The following MCM9 variants were observed in gnomAD, a reference collection of about 807,000 sequenced individuals.
MCM9 encodes the protein DNA helicase MCM9.
Under a neutral mutation model 72.8 loss-of-function variants are expected in MCM9, and 55 were observed. That is an observed-to-expected ratio of 0.76 (90% CI 0.61 to 0.95). The LOEUF (loss-of-function observed/expected upper bound fraction) is 0.95, where lower values mean the gene tolerates loss of function less well. Among genes scored for constraint, MCM9 ranks in the 40% least tolerant of loss-of-function variants. The probability of loss-of-function intolerance (pLI) is 0.00; values close to 1 mark genes in which losing one functional copy is unlikely to be tolerated. For missense variants in MCM9, 1,279 were observed against 1,377.0 expected (o/e 0.93, Z 1.13); for synonymous variants, 480 against 503.4 (o/e 0.95, Z 0.62).
At position 118,814,699 on chromosome 6, in the gene MCM9, G is replaced by T; in HGVS notation, c.*125C>A. The stretch of plus-strand genomic sequence containing the variant: ...TGAAATTAGAAAGCCTTAAGGGGGA[G>T]CCAGTATTCAGAGTGATCCTCAATA... On this transcript the variant is annotated 3_prime_UTR_variant, in exon 14 of 14. Coordinates refer to ENST00000619706, the MANE Select transcript of MCM9 (RefSeq NM_017696.3). 2.2e-6 allele frequency: 2 copies of T among 904,552 alleles called. No individual in the cohort carries two copies. The highest frequency in any genetic ancestry group is 3.2e-6 in the Non-Finnish European group (2 of 627,808). 56.0% of individuals were successfully genotyped at this position (904,552 alleles called of 1,614,324 possible).
intron 8 of MCM9, among the ~76,000 whole-genome samples, chr6:118,868,583 A>AT (rs1777373814): frequency 1.3e-5 from 2 of 152,102 alleles, no homozygotes; most frequent in African/African-American, 2.4e-5. Flanking sequence ...AGAAAAAAAA[A>AT]CCCCATCAAA....
chr6:118,903,636 T>TAC (rs1257047858), intron 8 of MCM9, among the ~76,000 whole-genome samples: 3 of 152,242 alleles, frequency 2.0e-5, no homozygotes, highest in African/African-American at 7.2e-5. Context: ...TCACTGAGAA[T>TAC]ACACTCGATG....
intron 8 of MCM9, among the ~76,000 whole-genome samples, chr6:118,874,551 A>G (rs1490076362): frequency 2.0e-5 from 3 of 152,210 alleles, no homozygotes; most frequent in Non-Finnish European, 4.4e-5. Flanking sequence ...CTTTCTCATC[A>G]CTGCTTTTCA....
At chr6:118,884,503 G>C (rs541395287) in intron 8 of MCM9, among the ~76,000 whole-genome samples, 56 of 150,692 alleles carry the variant, frequency 3.7e-4, no homozygotes, top group African/African-American at 1.1e-3. Flanking sequence ...AGTAAAAAAG[G>C]AATTTAAAAA....
intron 8 of MCM9, among the ~76,000 whole-genome samples, chr6:118,875,226 C>CA (rs1419231459): frequency 6.6e-6 from 1 of 152,174 alleles, no homozygotes; most frequent in African/African-American, 2.4e-5. Context: ...CTGATGTTAT[C>CA]AAAGAAGAAC....
At chr6:118,921,925 G>C in intron 5 of MCM9, 80 bp downstream of exon 5, 1 of 1,044,720 alleles carries the variant, frequency 9.6e-7, no homozygotes, top group Non-Finnish European at 1.4e-6. Flanking sequence ...CAGTGATCTT[G>C]GGAAAATAAA....
intron 8 of MCM9, among the ~76,000 whole-genome samples, chr6:118,874,580 TAGCTAATACAATAAGATGAGAAAAGG>T (rs937142893): frequency 2.6e-5 from 4 of 152,178 alleles, no homozygotes; most frequent in Non-Finnish European, 5.9e-5. Context: ...CTCCAAGTCT[TAGCTAATACAATAAGATGAGAAAAGG>T]AACAAAAAGT....
At chr6:118,898,560 G>A (rs756983249) in intron 8 of MCM9, among the ~76,000 whole-genome samples, 12 of 151,948 alleles carry the variant, frequency 7.9e-5, no homozygotes, top group African/African-American at 2.7e-4. Flanking sequence ...GAGTAGCTGG[G>A]ACCACAGGCA....
At chr6:118,886,544 G>A (rs1162226047) in intron 8 of MCM9, among the ~76,000 whole-genome samples, 1 of 151,988 alleles carries the variant, frequency 6.6e-6, no homozygotes, top group Non-Finnish European at 1.5e-5. Context: ...TCAATTCTAT[G>A]TCTACACACT....
intron 8 of MCM9, among the ~76,000 whole-genome samples, chr6:118,865,150 C>T (rs1021541281): frequency 6.6e-6 from 1 of 152,134 alleles, no homozygotes; most frequent in Non-Finnish European, 1.5e-5. Flanking sequence ...GGACTGTGTC[C>T]TAAACTTCCT....
At chr6:118,816,439 G>T in intron 13 of MCM9, 145 bp from the exon 14 acceptor site, 1 of 574,838 alleles carries the variant, frequency 1.7e-6, no homozygotes, top group Non-Finnish European at 2.8e-6. Context: ...ACCTCCTAGA[G>T]CAGCAGAATG....
chr6:118,880,499 G>A (rs779212976), intron 8 of MCM9, among the ~76,000 whole-genome samples: 1 of 152,126 alleles, frequency 6.6e-6, no homozygotes, highest in Admixed American at 6.5e-5. Flanking sequence ...ATACAGAAAG[G>A]ACTTTCAGCC....
Position 118,923,941 on chromosome 6 carries a change from T to A in MCM9, c.491A>T (p.Tyr164Phe). ...ACACGAGGATGGCCGGCAAAAGGTG[T>A]AATACTGCTCAAAGTCAGCCTTGAT... ...FVIKADFEQY[Y>F]TFCRPSSCPS... Residue 164 changes from tyrosine (Y) to phenylalanine (F), a missense_variant, in exon 4 of 14, where the codon TAC (tyrosine) becomes TTC (phenylalanine). Transcript: ENST00000619706. 1 of 1,614,228 alleles carries A rather than the reference T, an allele frequency of 6.2e-7. No individual in the cohort carries two copies. Among genetic ancestry groups the A allele is most frequent in the Non-Finnish European group, 8.5e-7 (1 of 1,180,038 alleles).
At chr6:118,820,131 CTCTGA>C (rs1381378094) in intron 13 of MCM9, among the ~76,000 whole-genome samples, 1 of 152,078 alleles carries the variant, frequency 6.6e-6, no homozygotes, top group African/African-American at 2.4e-5. Flanking sequence ...TTCAGTTCTG[CTCTGA>C]TCTTAGTTAT....
At chr6:118,918,015 T>C (rs1184238636) in intron 5 of MCM9, 1 of 497,290 alleles carries the variant, frequency 2.0e-6, no homozygotes, top group African/African-American at 1.9e-5. Context: ...TACATGATAA[T>C]CCTACAAAAT....
At chr6:118,868,852 G>A (rs1475985763) in intron 8 of MCM9, among the ~76,000 whole-genome samples, 1 of 152,222 alleles carries the variant, frequency 6.6e-6, no homozygotes, top group Non-Finnish European at 1.5e-5. Context: ...GTGGAAGACA[G>A]TGTGGTGATT....
At chr6:118,878,841 G>A (rs2114372197) in intron 8 of MCM9, among the ~76,000 whole-genome samples, 1 of 152,244 alleles carries the variant, frequency 6.6e-6, no homozygotes, top group East Asian at 1.9e-4. Context: ...TGGATTGCTT[G>A]AGCTCAGACG....
intron 6 of MCM9, among the ~76,000 whole-genome samples, chr6:118,917,177 A>C (rs1781033590): frequency 6.6e-6 from 1 of 152,230 alleles, no homozygotes; most frequent in African/African-American, 2.4e-5. Flanking sequence ...AATAGTGTAG[A>C]GTTAGATCTT....
At chr6:118,892,242 C>A (rs1357379062) in intron 8 of MCM9, among the ~76,000 whole-genome samples, 1 of 152,214 alleles carries the variant, frequency 6.6e-6, no homozygotes, top group African/African-American at 2.4e-5. Context: ...ATTCTTGCAG[C>A]TTCCAGTGAA....
Sources: gnomAD v4.1 joint callset for allele counts (sites outside exome capture counted in the v4.1 genomes callset) on GRCh38, gnomAD v4.1.1 for gene constraint, MANE v1.5 for transcripts, NCBI Gene and HGNC (gene_info 2026-07-23, HGNC 2026-07-21) for gene names.